Variants in STX12 observed in about 807,000 individuals in gnomAD.
The protein encoded by STX12 is syntaxin-12.
A neutral mutation model predicts 42.2 loss-of-function variants in STX12; 17 were observed. That is an observed-to-expected ratio of 0.40 (90% CI 0.28 to 0.60). STX12 has a LOEUF of 0.60. Among genes scored for constraint, STX12 ranks in the 20% least tolerant of loss-of-function variants. The pLI is 0.39. For missense variants in STX12, 297 were observed against 330.9 expected (o/e 0.90, Z 0.79); for synonymous variants, 108 against 116.7 (o/e 0.93, Z 0.48).
In STX12 at chr1:27,791,612, G is replaced by A. The variant is rs567151759; in HGVS notation, c.189-1921G>A. ...GGGTGGGTCACGAGGTCAGGAGATC[G>A]AGACCATCCTGGCTAACACGGTGAA... On this transcript the variant is annotated intron_variant, in intron 2 of 8. Transcript: ENST00000373943. Among the ~76,000 whole-genome samples, 679 of 152,226 alleles carry A rather than the reference G, an allele frequency of 4.5e-3. 3 individuals are homozygous for A. Among genetic ancestry groups the A allele is most frequent in the Non-Finnish European group, 7.5e-3 (508 of 68,024 alleles).
Position 27,804,024 on chromosome 1 carries a change from A to C in STX12, c.426+2209A>C, listed in dbSNP as rs553813630. 2.0e-5 allele frequency among the ~76,000 whole-genome samples: 3 copies of C among 152,184 alleles called. No individual in the cohort carries two copies. The South Asian group carries it at 6.2e-4, about 32-fold the overall frequency. On this transcript the variant is annotated intron_variant, in intron 4 of 8. Transcript: ENST00000373943. ...TCAAAAAACAAAAAACAAAACAAAA[A>C]AAACCCCAGAATTCCCATGAATCAA...
Position 27,817,610 on chromosome 1 carries a change from G to T in STX12, c.577-241G>T, listed in dbSNP as rs976954325. Among the ~76,000 whole-genome samples, 16 of 152,154 alleles carry T rather than the reference G, an allele frequency of 1.1e-4. 1 individual carries two copies. The highest frequency in any genetic ancestry group is 5.2e-4 in the Admixed American group (8 of 15,266). ...CCTTCTGCTGTACTGTTTGGACTTG[G>T]GCGCTCTTACTGGTTCTCATGTAGC... is the stretch of plus-strand genomic sequence containing the variant. On this transcript the variant is annotated intron_variant, in intron 6 of 8. Coordinates refer to ENST00000373943, the MANE Select transcript of STX12 (RefSeq NM_177424.3).
In STX12 at chr1:27,793,597, G is replaced by C; in HGVS notation, c.253G>C (p.Gly85Arg). The C allele has an allele frequency of 6.2e-7, 1 of 1,614,066 alleles. No homozygotes were observed. Among genetic ancestry groups the C allele is most frequent in the Non-Finnish European group, 8.5e-7 (1 of 1,179,986 alleles). ...KETNELLKEL[G>R]SLPLPLSTSE... ...AACAAATGAATTGCTGAAAGAATTA[G>C]GGTCCTTGCCCCTTCCCTTATCTAC... Residue 85 changes from glycine to arginine, a missense_variant, in exon 3 of 9, where the codon GGG becomes CGG. Physicochemically the swap from Gly to Arg is moderately radical, Grantham distance 125 (BLOSUM62 -2). Transcript: ENST00000373943.
chr1:27,803,730 G>T, intron 4 of STX12, among the ~76,000 whole-genome samples: 1 of 152,316 alleles, frequency 6.6e-6, no homozygotes, highest in South Asian at 2.1e-4. Context: ...TCGGCCAGGC[G>T]TGGTGGCTCA....
chr1:27,786,157 T>C (rs575758689), intron 1 of STX12, among the ~76,000 whole-genome samples: 1 of 152,212 alleles, frequency 6.6e-6, no homozygotes, highest in Non-Finnish European at 1.5e-5. Flanking sequence ...CTCATAATTG[T>C]TTGCAAGGCC....
rs116081621 is a variant in STX12, at chr1:27,779,673, G to A, written c.118+6248G>A. The stretch of plus-strand genomic sequence containing the variant: ...ATTTCACCTTGCTTTCACTCCCTGC[G>A]ATCTTAACCCAAATTAGCCATATTT... On this transcript the variant is annotated intron_variant, in intron 1 of 8. Coordinates refer to ENST00000373943, the MANE Select transcript of STX12 (RefSeq NM_177424.3). 6.2e-3 allele frequency among the ~76,000 whole-genome samples: 935 copies of A among 151,868 alleles called. 11 individuals carry two copies. The highest frequency in any genetic ancestry group is 0.021 in the African/African-American group (874 of 41,412).
intron 3 of STX12, among the ~76,000 whole-genome samples, chr1:27,800,615 A>G (rs1467320460): frequency 2.0e-5 from 3 of 151,660 alleles, no homozygotes; most frequent in Non-Finnish European, 4.4e-5. Flanking sequence ...TGCAGCCTCA[A>G]CCTTCCAGGG....
At chr1:27,782,711 C>T (rs1482597622) in intron 1 of STX12, among the ~76,000 whole-genome samples, 1 of 152,110 alleles carries the variant, frequency 6.6e-6, no homozygotes, top group South Asian at 2.1e-4. Flanking sequence ...TGGTGGGCAC[C>T]TGTAATCCCA....
rs2148603594 is a variant in STX12, at chr1:27,801,797, A to G, written c.408A>G (p.Arg136=). 1.3e-6 allele frequency: 2 copies of G among 1,582,296 alleles called. No individual in the cohort carries two copies. The highest frequency in any genetic ancestry group is 4.7e-5 in the East Asian group (2 of 42,518). The change falls in exon 4 of 9, where the codon AGA becomes AGG. Residue 136 remains arginine (R), a synonymous_variant. Coordinates refer to ENST00000373943, the MANE Select transcript of STX12 (RefSeq NM_177424.3). ...AAAAGGAGAGTATTGCCAGAGCAAG[A>G]GCTGGATCTCGTCTTTCTGTAAGTT... The part of the protein sequence containing the change: ...EKEKESIARA[R]AGSRLSAEER...
chr1:27,802,669 A>G (rs999813762), intron 4 of STX12, among the ~76,000 whole-genome samples: 3 of 152,208 alleles, frequency 2.0e-5, no homozygotes, highest in Admixed American at 6.5e-5. Context: ...CTTCTGTAGA[A>G]AGACACCTTT....
At chr1:27,790,608 CTAAGTAT>C (rs1230414454) in intron 2 of STX12, among the ~76,000 whole-genome samples, 1 of 152,244 alleles carries the variant, frequency 6.6e-6, no homozygotes, top group Admixed American at 6.5e-5. Flanking sequence ...GGCTTCACCT[CTAAGTAT>C]TAAGTAATGT....
Position 27,773,346 on chromosome 1 carries a change from G to C in STX12, c.39G>C (p.Gly13=). ...YGPLDMYRNP[G]PSGPQLRDFS... ...CCTTAGACATGTACCGGAACCCGGG[G>C]CCCTCGGGGCCCCAGCTCCGGGACT... The change falls in exon 1 of 9, where the codon GGG becomes GGC. Residue 13 remains glycine, a synonymous_variant. Transcript: ENST00000373943. 1 of 1,612,528 alleles carries C rather than the reference G, an allele frequency of 6.2e-7. No individual in the cohort carries two copies. The highest frequency in any genetic ancestry group is 2.2e-5 in the East Asian group (1 of 44,828).
chr1:27,776,602 A>C (rs1015687446), intron 1 of STX12, among the ~76,000 whole-genome samples: 4 of 152,178 alleles, frequency 2.6e-5, no homozygotes, highest in Non-Finnish European at 5.9e-5. Context: ...CTGTAGTCCT[A>C]GCTACTCAGG....
chr1:27,799,310 C>G (rs1357112658), intron 3 of STX12, among the ~76,000 whole-genome samples: 1 of 152,076 alleles, frequency 6.6e-6, no homozygotes, highest in Non-Finnish European at 1.5e-5. Context: ...AATTAGTGTT[C>G]TGTTTGACTT....
chr1:27,801,777 G>C lies in STX12; in HGVS notation c.388G>C (p.Glu130Gln). ...VQRRVSEKEK[E>Q]SIARARAGSR... Reference sequence around the variant, plus strand: ...GAGAAGGGTATCTGAAAAGGAAAAGGAGAGTATTGCCAGAGCAAGAGCTGG... The same window carrying C: ...GAGAAGGGTATCTGAAAAGGAAAAGCAGAGTATTGCCAGAGCAAGAGCTGG... The change falls in exon 4 of 9, where the codon GAG becomes CAG. Residue 130 changes from glutamate (E) to glutamine (Q), a missense_variant. By Grantham distance (29) the Glu-to-Gln change is conservative (BLOSUM62 2). Coordinates refer to ENST00000373943, the MANE Select transcript of STX12 (RefSeq NM_177424.3). 2 of 1,595,110 alleles carry C rather than the reference G, an allele frequency of 1.3e-6. No homozygotes were observed. Among genetic ancestry groups the C allele is most frequent in the Non-Finnish European group, 1.7e-6 (2 of 1,173,188 alleles).
In STX12 at chr1:27,775,475, T is replaced by C. The variant is rs2088622989; in HGVS notation, c.118+2050T>C. 2.0e-5 allele frequency among the ~76,000 whole-genome samples: 3 copies of C among 152,178 alleles called. No homozygotes were observed. The South Asian group carries it at 6.2e-4, about 32-fold the overall frequency. On this transcript the variant is annotated intron_variant, in intron 1 of 8. Transcript: ENST00000373943. ...TTTGTAGAGATGGAGTTTCACCATGTTGTCCAGTCTGGTCTTGAACTCCTG... is the reference window on the plus strand; with the variant it reads ...TTTGTAGAGATGGAGTTTCACCATGCTGTCCAGTCTGGTCTTGAACTCCTG...
chr1:27,819,560 A>G (rs1392387267), intron 7 of STX12, 90 bp from the exon 8 acceptor site: 5 of 1,129,664 alleles, frequency 4.4e-6, no homozygotes, highest in Non-Finnish European at 6.4e-6. Context: ...GTGGTAGTGA[A>G]ACCAGGACAT....
At chr1:27,780,959 A>G (rs953990390) in intron 1 of STX12, among the ~76,000 whole-genome samples, 1 of 146,020 alleles carries the variant, frequency 6.8e-6, no homozygotes, top group African/African-American at 2.5e-5. Flanking sequence ...ACCCTGTCTC[A>G]AAAAAAAAAA....
chr1:27,784,095 G>A (rs370940349), intron 1 of STX12, among the ~76,000 whole-genome samples: 15 of 152,076 alleles, frequency 9.9e-5, no homozygotes, highest in African/African-American at 3.6e-4. Flanking sequence ...CAGGAGAATC[G>A]CTTGAACCTG....
Sources: allele counts gnomAD v4.1 joint callset (sites outside exome capture counted in the v4.1 genomes callset), GRCh38; gene constraint gnomAD v4.1.1; transcripts MANE v1.5; gene names NCBI Gene and HGNC (gene_info 2026-07-23, HGNC 2026-07-21).